JMY: variants seen among roughly 807,000 people sequenced by gnomAD.
The protein encoded by JMY is junction mediating and regulatory protein, p53 cofactor, also known as junction-mediating and -regulatory protein.
Under a neutral mutation model 103.3 loss-of-function variants are expected in JMY, and 46 were observed. That is an observed-to-expected ratio of 0.45 (90% CI 0.35 to 0.57). The LOEUF (loss-of-function observed/expected upper bound fraction) is 0.57. Among genes scored for constraint, JMY ranks in the 20% least tolerant of loss-of-function variants. The probability of loss-of-function intolerance (pLI) is 0.00; values close to 1 mark genes in which losing one functional copy is unlikely to be tolerated. For synonymous variants in JMY, 526 were observed against 489.3 expected (o/e 1.07, Z -0.99); for missense variants, 1,238 against 1,255.2 (o/e 0.99, Z 0.21).
At chr5:79,305,278 C>G (rs1027086189) in intron 6 of JMY, among the ~76,000 whole-genome samples, 1 of 151,896 alleles carries the variant, frequency 6.6e-6, no homozygotes. Flanking sequence ...GGTGAAACCC[C>G]GTCTCTACTA....
chr5:79,275,948 T>C (rs1370431368), intron 1 of JMY, among the ~76,000 whole-genome samples: 3 of 152,120 alleles, frequency 2.0e-5, no homozygotes, highest in African/African-American at 7.2e-5. Context: ...ATACAACAAC[T>C]AAAATGAAAA....
chr5:79,254,485 C>A (rs1317045940), intron 1 of JMY, among the ~76,000 whole-genome samples: 2 of 152,204 alleles, frequency 1.3e-5, no homozygotes, highest in African/African-American at 4.8e-5. Context: ...CTCTCCTGGC[C>A]TGTAAGGCTT....
At chr5:79,288,930 TTGTTTAGAGACTA>T (rs1561305825) in intron 2 of JMY, among the ~76,000 whole-genome samples, 1 of 152,014 alleles carries the variant, frequency 6.6e-6, no homozygotes, top group Non-Finnish European at 1.5e-5. Flanking sequence ...TTTCACAGCA[TTGTTTAGAGACTA>T]TGGGTTGTAG....
intron 1 of JMY, among the ~76,000 whole-genome samples, chr5:79,256,516 CAG>C (rs1188619194): frequency 2.6e-5 from 4 of 152,112 alleles, no homozygotes; most frequent in African/African-American, 7.2e-5. Context: ...TGAGAATGTG[CAG>C]AGTCTCGTAA....
chr5:79,315,700 T>A (rs1244842562), intron 9 of JMY, among the ~76,000 whole-genome samples: 1 of 152,196 alleles, frequency 6.6e-6, no homozygotes, highest in Non-Finnish European at 1.5e-5. Context: ...CCTTTGGGAA[T>A]CACACCCATA....
chr5:79,265,724 A>G (rs1457757136), intron 1 of JMY, among the ~76,000 whole-genome samples: 1 of 151,108 alleles, frequency 6.6e-6, no homozygotes, highest in African/African-American at 2.4e-5. Flanking sequence ...CTCAGGGAGC[A>G]TGATGACACG....
chr5:79,312,169 G>A (rs566399838), intron 7 of JMY, among the ~76,000 whole-genome samples: 1 of 152,180 alleles, frequency 6.6e-6, no homozygotes, highest in East Asian at 1.9e-4. Context: ...GCATAATATA[G>A]CAGCTAGAAG....
Position 79,281,353 on chromosome 5 carries a change from A to ATT in JMY, c.1206+3295_1206+3296dup, listed in dbSNP as rs35881012. On this transcript the variant is annotated intron_variant, in intron 2 of 10. Transcript: ENST00000396137. Reference sequence around the variant, plus strand: ...GTCACTGTGCCCAGCCAAGAAATTAATTTTTTTTTTTTTTTTTTTTTTTTT... The same window carrying ATT: ...GTCACTGTGCCCAGCCAAGAAATTAATTTTTTTTTTTTTTTTTTTTTTTTTTT... Among the ~76,000 whole-genome samples the ATT allele has an allele frequency of 3.2e-3, 378 of 116,712 alleles. 1 individual carries two copies. Among genetic ancestry groups the ATT allele is most frequent in the African/African-American group, 0.011 (347 of 31,500 alleles). 76.6% of individuals were successfully genotyped at this position (116,712 alleles called of 152,430 possible). A position where few individuals can be genotyped will look rare whatever the true frequency, so the allele number is the denominator to read the frequency against.
intron 2 of JMY, among the ~76,000 whole-genome samples, chr5:79,281,630 AATCAT>A (rs1447517883): frequency 4.6e-5 from 7 of 152,150 alleles, no homozygotes; most frequent in African/African-American, 1.7e-4. Context: ...TAAATCTTAA[AATCAT>A]GCTAAGTCAA....
At chr5:79,273,262 T>C (rs1296196485) in intron 1 of JMY, among the ~76,000 whole-genome samples, 2 of 152,214 alleles carry the variant, frequency 1.3e-5, no homozygotes, top group Non-Finnish European at 2.9e-5. Context: ...TTAATTTAAC[T>C]GTTTATTTTT....
intron 1 of JMY, among the ~76,000 whole-genome samples, chr5:79,241,786 T>C (rs1744750420): frequency 6.6e-6 from 1 of 152,236 alleles, no homozygotes; most frequent in African/African-American, 2.4e-5. Context: ...TTTGGACTTT[T>C]ACAAGAGTTT....
At position 79,236,831 on chromosome 5, in the gene JMY, C is replaced by G. The variant is rs1159133462; in HGVS notation, c.181C>G (p.Gln61Glu). ...AQRQRSGSREQAGARGGAEAG... is the reference protein window; with the variant it reads ...AQRQRSGSREEAGARGGAEAG... ...GAGGCAGAGGAGCGGCTCCCGGGAG[C>G]AAGCGGGGGCGCGAGGGGGCGCCGA... Residue 61 changes from glutamine (Q) to glutamate (E), a missense_variant, in exon 1 of 11, where the codon CAA becomes GAA. Gln to Glu is a conservative substitution (Grantham distance 29). Coordinates refer to ENST00000396137, the MANE Select transcript of JMY (RefSeq NM_152405.5). The G allele has an allele frequency of 1.4e-6, 2 of 1,463,298 alleles. No individual in the cohort carries two copies. Among genetic ancestry groups the G allele is most frequent in the Non-Finnish European group, 1.8e-6 (2 of 1,102,500 alleles). 90.6% of individuals were successfully genotyped at this position (1,463,298 alleles called of 1,614,324 possible). A position where few individuals can be genotyped will look rare whatever the true frequency, so the allele number is the denominator to read the frequency against.
At chr5:79,287,197 A>G (rs1041842466) in intron 2 of JMY, among the ~76,000 whole-genome samples, 1 of 152,180 alleles carries the variant, frequency 6.6e-6, no homozygotes, top group African/African-American at 2.4e-5. Flanking sequence ...GGGGTGAAAT[A>G]AGGCTTGGGT....
At chr5:79,273,362 A>G (rs1209654078) in intron 1 of JMY, among the ~76,000 whole-genome samples, 1 of 151,030 alleles carries the variant, frequency 6.6e-6, no homozygotes, top group Non-Finnish European at 1.5e-5. Flanking sequence ...TCTGTTCTCT[A>G]TTGTTTCTAG....
rs1227923216 is a variant in JMY, at chr5:79,324,334, G to A, written c.*2732G>A. On this transcript the variant is annotated 3_prime_UTR_variant, in exon 11 of 11. Coordinates refer to ENST00000396137, the MANE Select transcript of JMY (RefSeq NM_152405.5). ...TGCTCACATTTCCAGTTCCAAACTC[G>A]CCCGTACTTTTTATGTGCTTCAAAA... is the stretch of plus-strand genomic sequence containing the variant. The A allele has an allele frequency of 1.3e-5, 2 of 152,020 alleles. No homozygotes were observed. Among genetic ancestry groups the A allele is most frequent in the East Asian group, 3.8e-4 (2 of 5,200 alleles). 9.4% of individuals were successfully genotyped at this position (152,020 alleles called of 1,614,324 possible).
At position 79,322,898 on chromosome 5, in the gene JMY, A is replaced by G. The variant is rs1747504866; in HGVS notation, c.*1296A>G. On this transcript the variant is annotated 3_prime_UTR_variant, in exon 11 of 11. Coordinates refer to ENST00000396137, the MANE Select transcript of JMY (RefSeq NM_152405.5). ...AAAATCACTTTATTTCTTTTAAGAC[A>G]ATTATCTGGCCTAAACCCAGAAAGC... The G allele has an allele frequency of 6.6e-6, 1 of 152,214 alleles. No individual in the cohort carries two copies. Among genetic ancestry groups the G allele is most frequent in the African/African-American group, 2.4e-5 (1 of 41,450 alleles). The allele number at this position is 152,214 out of a possible 1,614,324, so 9.4% of individuals were successfully genotyped here.
chr5:79,286,250 C>T (rs1746263941), intron 2 of JMY, among the ~76,000 whole-genome samples: 1 of 152,144 alleles, frequency 6.6e-6, no homozygotes, highest in South Asian at 2.1e-4. Context: ...GTATTTGTAG[C>T]TGTACTCATA....
chr5:79,284,527 A>G, intron 2 of JMY: 1 of 1,581,878 alleles, frequency 6.3e-7, no homozygotes, highest in Non-Finnish European at 8.6e-7. Context: ...GAAGCAAGTA[A>G]CCATCAATAG....
chr5:79,313,461 T>C (rs917995853), intron 8 of JMY, among the ~76,000 whole-genome samples: 3 of 152,080 alleles, frequency 2.0e-5, no homozygotes, highest in Admixed American at 1.3e-4. Context: ...TGGTAAAATA[T>C]ATATAAGAGT....
Sources: gnomAD v4.1 joint callset for allele counts (sites outside exome capture counted in the v4.1 genomes callset) on GRCh38, gnomAD v4.1.1 for gene constraint, MANE v1.5 for transcripts, NCBI Gene and HGNC (gene_info 2026-07-23, HGNC 2026-07-21) for gene names.